The following CD36 variants were observed in gnomAD, a reference collection of about 807,000 sequenced individuals.
The protein encoded by CD36 is CD36 molecule (CD36 blood group).
Under a neutral mutation model 55.2 loss-of-function variants are expected in CD36, and 119 were observed. The ratio of observed to expected loss-of-function variants is 2.15; its 90% CI spans 1.86 to 2.51. The LOEUF is 2.51. Among genes scored for constraint, CD36 ranks in the 30% most tolerant of loss-of-function variants. CD36 has a pLI of 0.00. For synonymous variants in CD36, 186 were observed against 193.6 expected (o/e 0.96, Z 0.33); for missense variants, 819 against 555.5 (o/e 1.47, Z -4.77).
intron 10 of CD36, 42 bp downstream of exon 10, chr7:80,671,206 G>A: frequency 1.5e-6 from 2 of 1,320,736 alleles, no homozygotes; most frequent in Non-Finnish European, 2.2e-6. Flanking sequence ...ACCATAATTT[G>A]TGATATTCTT....
At chr7:80,654,268 T>C (rs933784285) in intron 3 of CD36, among the ~76,000 whole-genome samples, 2 of 152,192 alleles carry the variant, frequency 1.3e-5, no homozygotes, top group African/African-American at 4.8e-5. Flanking sequence ...CTATAAGAGT[T>C]TGTTGAGTTT....
intron 14 of CD36, chr7:80,674,496 T>G (rs1301153717): frequency 3.8e-6 from 1 of 264,170 alleles, no homozygotes; most frequent in Non-Finnish European, 7.4e-6. Flanking sequence ...TAGGAAATGG[T>G]TTCATAAGAC....
upstream of CD36, chr7:80,636,804 C>A (rs1794444591): frequency 6.6e-6 from 1 of 152,024 alleles, no homozygotes; most frequent in Non-Finnish European, 1.5e-5. Context: ...TCCACAGTTG[C>A]AGATTTGACT....
In CD36 at chr7:80,671,030, A is replaced by C. The variant is rs200752989; in HGVS notation, c.872A>C (p.Tyr291Ser). The C allele has an allele frequency of 1.2e-6, 2 of 1,613,146 alleles. No homozygotes were observed. The highest frequency in any genetic ancestry group is 1.7e-5 in the Admixed American group (1 of 59,986). ...GTTAATCTGAAAGGAATCCCTGTGT[A>C]TAGATTTGTTCTTCCATCCAAGGCC... is the stretch of plus-strand genomic sequence containing the variant. ...SDVNLKGIPV[Y>S]RFVLPSKAFA... The change falls in exon 10 of 15, where the codon TAT (tyrosine) becomes TCT (serine). Residue 291 changes from tyrosine (Y) to serine (S), a missense_variant. Transcript: ENST00000447544.
At chr7:80,605,174 T>C (rs1381581394) in intron 1 of CD36, among the ~76,000 whole-genome samples, 1 of 152,178 alleles carries the variant, frequency 6.6e-6, no homozygotes, top group Non-Finnish European at 1.5e-5. Flanking sequence ...GAAATACCTA[T>C]TTTGTTTGAA....
chr7:80,639,644 T>A (rs1168343397), intron 1 of CD36, among the ~76,000 whole-genome samples: 1 of 152,036 alleles, frequency 6.6e-6, no homozygotes, highest in Non-Finnish European at 1.5e-5. Flanking sequence ...TTTGTAAAGA[T>A]TTGCATGTAC....
chr7:80,662,744 A>G (rs775459470), intron 5 of CD36, among the ~76,000 whole-genome samples: 1 of 152,088 alleles, frequency 6.6e-6, no homozygotes, highest in Non-Finnish European at 1.5e-5. Context: ...GACCACTTTA[A>G]GTGTATCGTT....
Sources: allele counts gnomAD v4.1 joint callset (sites outside exome capture counted in the v4.1 genomes callset), GRCh38; gene constraint gnomAD v4.1.1; transcripts MANE v1.5; gene names NCBI Gene and HGNC (gene_info 2026-07-23, HGNC 2026-07-21).